The following PRIM2 variants were observed in gnomAD, a reference collection of about 807,000 sequenced individuals.
PRIM2 encodes DNA primase subunit 2.
Under a neutral mutation model 67.3 loss-of-function variants are expected in PRIM2, and 39 were observed. That is an observed-to-expected ratio of 0.58 (90% CI 0.45 to 0.76). PRIM2 has a LOEUF of 0.76. PRIM2 is among the 30% of genes least tolerant of loss of function. The probability of loss-of-function intolerance (pLI) is 0.00; values close to 1 mark genes in which losing one functional copy is unlikely to be tolerated. For missense variants in PRIM2, 398 were observed against 598.7 expected (o/e 0.66, Z 3.50); for synonymous variants, 143 against 198.7 (o/e 0.72, Z 2.36).
intron 7 of PRIM2, among the ~76,000 whole-genome samples, chr6:57,443,916 TA>T (rs1772281035): frequency 1.3e-5 from 2 of 152,180 alleles, no homozygotes; most frequent in African/African-American, 4.8e-5. Flanking sequence ...TTTAAGTCTT[TA>T]ATTCATTTTG....
At chr6:57,424,674 A>G (rs2215511) in intron 7 of PRIM2, among the ~76,000 whole-genome samples, 109,345 of 152,066 alleles carry the variant, frequency 0.72, 39,701 homozygotes, top group African/African-American at 0.83. Context: ...AAGGAGGATC[A>G]TATTTATATA....
chr6:57,591,797 C>T (rs1405342054), intron 10 of PRIM2, among the ~76,000 whole-genome samples: 3 of 151,898 alleles, frequency 2.0e-5, no homozygotes, highest in Admixed American at 6.6e-5. Flanking sequence ...ATTACCATTC[C>T]ACCCAGGAAT....
intron 5 of PRIM2, among the ~76,000 whole-genome samples, chr6:57,372,976 C>T (rs1041028118): frequency 2.0e-5 from 3 of 151,962 alleles, no homozygotes; most frequent in Admixed American, 6.6e-5. Flanking sequence ...GGGTATATAC[C>T]CGGTAATGGG....
intron 5 of PRIM2, among the ~76,000 whole-genome samples, chr6:57,362,934 C>T (rs1769246201): frequency 6.6e-6 from 1 of 152,158 alleles, no homozygotes; most frequent in African/African-American, 2.4e-5. Context: ...TTTAACTTAG[C>T]TCATAGGGAA....
At chr6:57,530,862 C>G (rs1380032486) in intron 8 of PRIM2, among the ~76,000 whole-genome samples, 2 of 152,188 alleles carry the variant, frequency 1.3e-5, no homozygotes, top group African/African-American at 4.8e-5. Flanking sequence ...ACCACCATGC[C>G]TGGCCAATTT....
intron 10 of PRIM2, among the ~76,000 whole-genome samples, chr6:57,598,192 A>C (rs1776402030): frequency 6.6e-6 from 1 of 152,162 alleles, no homozygotes; most frequent in African/African-American, 2.4e-5. Flanking sequence ...ACAGCCACTC[A>C]CAGCTTCTGA....
At chr6:57,570,193 T>C (rs1313520023) in intron 10 of PRIM2, among the ~76,000 whole-genome samples, 1 of 152,200 alleles carries the variant, frequency 6.6e-6, no homozygotes, top group Non-Finnish European at 1.5e-5. Context: ...TAGAAACACT[T>C]GTCTAATAAA....
At chr6:57,400,222 T>C (rs1386769806) in intron 7 of PRIM2, among the ~76,000 whole-genome samples, 1 of 152,210 alleles carries the variant, frequency 6.6e-6, no homozygotes, top group Non-Finnish European at 1.5e-5. Flanking sequence ...TTAAGTGTCT[T>C]TTTGTATTAG....
intron 7 of PRIM2, 138 bp downstream of exon 7, chr6:57,382,306 T>C: frequency 2.0e-6 from 2 of 999,890 alleles, no homozygotes; most frequent in Non-Finnish European, 2.7e-6. Context: ...TATGATGTTG[T>C]ACTGTTAATC....
At chr6:57,621,173 A>G (rs1776846624) in intron 12 of PRIM2, among the ~76,000 whole-genome samples, 1 of 152,246 alleles carries the variant, frequency 6.6e-6, no homozygotes, top group African/African-American at 2.4e-5. Flanking sequence ...TCACAGTTAT[A>G]GAGGCTGAGA....
At chr6:57,446,916 T>A (rs566000326) in intron 7 of PRIM2, among the ~76,000 whole-genome samples, 7 of 152,298 alleles carry the variant, frequency 4.6e-5, no homozygotes, top group Admixed American at 4.6e-4. Flanking sequence ...TTGGTCCAGA[T>A]CTGGGTACAT....
chr6:57,453,284 C>T (rs896745929), intron 7 of PRIM2, among the ~76,000 whole-genome samples: 7 of 152,194 alleles, frequency 4.6e-5, no homozygotes, highest in Non-Finnish European at 8.8e-5. Flanking sequence ...CTTTTGGTTC[C>T]ATATGAACTT....
intron 13 of PRIM2, among the ~76,000 whole-genome samples, chr6:57,636,294 GA>G (rs1442770931): frequency 2.0e-5 from 3 of 152,152 alleles, no homozygotes; most frequent in African/African-American, 7.2e-5. Context: ...GACTTGAGAA[GA>G]AATAAGTAAA....
chr6:57,319,790 G>A (rs1767589170), intron 2 of PRIM2, among the ~76,000 whole-genome samples: 1 of 152,172 alleles, frequency 6.6e-6, no homozygotes. Flanking sequence ...ATGGCAGGAC[G>A]AAGAGTAGGA....
At position 57,374,362 on chromosome 6, in the gene PRIM2, C is replaced by T. The variant is rs550030476; in HGVS notation, c.460-5539C>T. 4.5e-4 allele frequency among the ~76,000 whole-genome samples: 68 copies of T among 149,700 alleles called. 1 individual carries two copies. The highest frequency in any genetic ancestry group is 1.5e-3 in the African/African-American group (63 of 40,672). On this transcript the variant is annotated intron_variant, in intron 5 of 13. Transcript: ENST00000615550. Reference sequence around the variant, plus strand: ...AGGCTGGAGTGCAGTGGCGCGATCTCGACTCACTGCAAGCTCCGCCTCCCG... The same window carrying T: ...AGGCTGGAGTGCAGTGGCGCGATCTTGACTCACTGCAAGCTCCGCCTCCCG...
intron 10 of PRIM2, among the ~76,000 whole-genome samples, chr6:57,592,074 A>C (rs1776290738): frequency 6.6e-6 from 1 of 152,142 alleles, no homozygotes; most frequent in African/African-American, 2.4e-5. Context: ...AGGAACAGAA[A>C]ATCAAATACT....
the PRIM2 span, among the ~76,000 whole-genome samples, chr6:57,278,000 AAAC>A: frequency 6.7e-6 from 1 of 150,326 alleles, no homozygotes; most frequent in Non-Finnish European, 1.5e-5. Flanking sequence ...ACAAACAAAC[AAAC>A]AACAACAAAA....
chr6:57,477,641 C>G (rs1406180852), intron 7 of PRIM2, among the ~76,000 whole-genome samples: 2 of 152,088 alleles, frequency 1.3e-5, no homozygotes, highest in East Asian at 3.9e-4. Flanking sequence ...GTTAACAACA[C>G]TACTCGTAAT....
intron 10 of PRIM2, among the ~76,000 whole-genome samples, chr6:57,547,327 C>A (rs1462664066): frequency 6.6e-6 from 1 of 151,956 alleles, no homozygotes; most frequent in Non-Finnish European, 1.5e-5. Flanking sequence ...TTTTGTGCTG[C>A]GACGTCATCT....
Sources: gnomAD v4.1 joint callset for allele counts (sites outside exome capture counted in the v4.1 genomes callset) on GRCh38, gnomAD v4.1.1 for gene constraint, MANE v1.5 for transcripts, NCBI Gene and HGNC (gene_info 2026-07-23, HGNC 2026-07-21) for gene names.